Variants in ANKRD6 observed in about 807,000 individuals in gnomAD.
ANKRD6 encodes ankyrin repeat domain-containing protein 6.
A neutral mutation model predicts 82.3 loss-of-function variants in ANKRD6; 56 were observed. That is an observed-to-expected ratio of 0.68 (90% CI 0.55 to 0.85). ANKRD6 has a LOEUF of 0.85. Among genes scored for constraint, ANKRD6 ranks in the 40% least tolerant of loss-of-function variants. ANKRD6 has a pLI of 0.00. For missense variants in ANKRD6, 852 were observed against 907.6 expected (o/e 0.94, Z 0.79); for synonymous variants, 347 against 352.1 (o/e 0.99, Z 0.16).
intron 1 of ANKRD6, among the ~76,000 whole-genome samples, chr6:89,535,288 C>T (rs1783679914): frequency 6.6e-6 from 1 of 152,092 alleles, no homozygotes; most frequent in Non-Finnish European, 1.5e-5. Context: ...CCTCAAAGGC[C>T]TGCAGTATAA....
chr6:89,598,728 C>G (rs937073583), intron 3 of ANKRD6, among the ~76,000 whole-genome samples: 1 of 152,230 alleles, frequency 6.6e-6, no homozygotes, highest in South Asian at 2.1e-4. Flanking sequence ...TCAACATGTT[C>G]CAAATCAAAG....
intron 1 of ANKRD6, among the ~76,000 whole-genome samples, chr6:89,463,857 C>A (rs1464026682): frequency 6.6e-6 from 1 of 152,078 alleles, no homozygotes; most frequent in Non-Finnish European, 1.5e-5. Context: ...AGTCAAAAAT[C>A]TTATTTTATA....
chr6:89,612,290 C>T lies in ANKRD6; in HGVS notation c.436C>T (p.His146Tyr). The T allele has an allele frequency of 6.4e-7, 1 of 1,559,602 alleles. No individual in the cohort carries two copies. Among genetic ancestry groups the T allele is most frequent in the Non-Finnish European group, 8.7e-7 (1 of 1,151,308 alleles). Residue 146 changes from histidine (H) to tyrosine (Y), a missense_variant, in exon 6 of 16, where the codon CAC (histidine) becomes TAC (tyrosine). By Grantham distance (83) the His-to-Tyr change is moderately conservative. Coordinates refer to ENST00000339746, the MANE Select transcript of ANKRD6 (RefSeq NM_001242809.2). Reference sequence around the variant, plus strand: ...CTCCAAGGCGGGGAACACAGCTCTGCACCTGGCCTGCCAGAACAGCCACTC... The same window carrying T: ...CTCCAAGGCGGGGAACACAGCTCTGTACCTGGCCTGCCAGAACAGCCACTC... ...AKNKAGNTAL[H>Y]LACQNSHSQS... is the part of the protein sequence containing the mutation.
chr6:89,616,307 C>T (rs1801562144), intron 7 of ANKRD6: 3 of 492,874 alleles, frequency 6.1e-6, no homozygotes, highest in Non-Finnish European at 7.3e-6. Flanking sequence ...CATTACTTTG[C>T]CCCTGCGTTT....
chr6:89,456,290 C>G (rs1381699326), intron 1 of ANKRD6, among the ~76,000 whole-genome samples: 1 of 152,128 alleles, frequency 6.6e-6, no homozygotes, highest in Non-Finnish European at 1.5e-5. Flanking sequence ...TGACAAATAT[C>G]GAACTCTGTC....
chr6:89,473,279 C>T (rs1406283979), intron 1 of ANKRD6, among the ~76,000 whole-genome samples: 3 of 151,858 alleles, frequency 2.0e-5, no homozygotes, highest in African/African-American at 4.8e-5. Flanking sequence ...GGCATGGCGG[C>T]GTATGCCCAT....
intron 1 of ANKRD6, among the ~76,000 whole-genome samples, chr6:89,464,589 A>G (rs1774606128): frequency 6.6e-6 from 1 of 152,236 alleles, no homozygotes; most frequent in Admixed American, 6.5e-5. Flanking sequence ...GTTTGTCAAG[A>G]GTCTTCTGTA....
intron 4 of ANKRD6, 123 bp from the exon 5 acceptor site, chr6:89,605,884 T>G: frequency 8.3e-5 from 46 of 556,944 alleles, no homozygotes; most frequent in South Asian, 1.3e-4. Context: ...GTGGCTCAGA[T>G]GAGAAAGTCC....
intron 1 of ANKRD6, among the ~76,000 whole-genome samples, chr6:89,535,386 C>T (rs1025441326): frequency 4.6e-5 from 7 of 152,216 alleles, no homozygotes; most frequent in South Asian, 2.1e-4. Context: ...CTGCATGTTT[C>T]CTCAGCCATT....
Position 89,460,905 on chromosome 6 carries a change from A to G in ANKRD6, c.-144+27530A>G, listed in dbSNP as rs1315216652. 3.5e-5 allele frequency among the ~76,000 whole-genome samples: 3 copies of G among 85,744 alleles called. No individual in the cohort carries two copies. In the Admixed American group the frequency reaches 3.9e-4, roughly 11 times the overall value. The allele number at this position is 85,744 out of a possible 152,430, so 56.3% of individuals were successfully genotyped here. A position where few individuals can be genotyped will look rare whatever the true frequency, so the allele number is the denominator to read the frequency against. Reference sequence around the variant, plus strand: ...TACTAATACTACATCGGTGTTTTGGAATTCTTTTTTTTTGAGACCGAGTCT... The same window carrying G: ...TACTAATACTACATCGGTGTTTTGGGATTCTTTTTTTTTGAGACCGAGTCT... On this transcript the variant is annotated intron_variant, in intron 1 of 15. Coordinates refer to ENST00000339746, the MANE Select transcript of ANKRD6 (RefSeq NM_001242809.2).
rs372004869 is a variant in ANKRD6, at chr6:89,621,943, C to G, written c.814C>G (p.Arg272Gly). 20 of 1,613,696 alleles carry G rather than the reference C, an allele frequency of 1.2e-5. No individual in the cohort carries two copies. In the South Asian group the frequency reaches 2.1e-4, roughly 17 times the overall value. Residue 272 changes from arginine (R) to glycine (G), a missense_variant, in exon 10 of 16, where the codon CGA (arginine) becomes GGA (glycine). Physicochemically the swap from Arg to Gly is moderately radical, Grantham distance 125. Coordinates refer to ENST00000339746, the MANE Select transcript of ANKRD6 (RefSeq NM_001242809.2). ...TCAGGTCTTGCGCTTCAGTCGTGGG[C>G]GAAGCCTGAGGAAAAAGAGAGAGAG... ...APQVLRFSRG[R>G]SLRKKRERLK...
intron 10 of ANKRD6, among the ~76,000 whole-genome samples, chr6:89,622,603 A>G (rs1194188043): frequency 6.6e-6 from 1 of 152,152 alleles, no homozygotes; most frequent in Non-Finnish European, 1.5e-5. Flanking sequence ...ATGAATTAGA[A>G]AAAGATGTCC....
Position 89,631,819 on chromosome 6 carries a change from T to C in ANKRD6, c.*815T>C, listed in dbSNP as rs893378781. ...ACCTATTCCTAATCAAACCCAATTA[T>C]ATCAGAATACCTTTCTGAATTTGAG... is the stretch of plus-strand genomic sequence containing the variant. On this transcript the variant is annotated 3_prime_UTR_variant, in exon 16 of 16. Transcript: ENST00000339746. The C allele has an allele frequency of 2.0e-5, 3 of 152,258 alleles. No homozygotes were observed. Among genetic ancestry groups the C allele is most frequent in the Admixed American group, 6.5e-5 (1 of 15,280 alleles). 9.4% of individuals were successfully genotyped at this position (152,258 alleles called of 1,614,324 possible). A position where few individuals can be genotyped will look rare whatever the true frequency, so the allele number is the denominator to read the frequency against.
At chr6:89,613,292 T>A (rs1800688027) in intron 6 of ANKRD6, among the ~76,000 whole-genome samples, 1 of 152,222 alleles carries the variant, frequency 6.6e-6, no homozygotes. Flanking sequence ...TGAAGTGGGA[T>A]ACTCCTTGAA....
At position 89,586,806 on chromosome 6, in the gene ANKRD6, C is replaced by T. The variant is rs369683836; in HGVS notation, c.121-9110C>T. On this transcript the variant is annotated intron_variant, in intron 2 of 15. Transcript: ENST00000339746. ...AGAAGCTGATGGAATTCTTAATACC[C>T]AGTTAAGTTGCCTGAAATATTTTGG... Among the ~76,000 whole-genome samples the T allele has an allele frequency of 3.0e-4, 46 of 152,174 alleles. 1 individual carries two copies. The highest frequency in any genetic ancestry group is 1.1e-3 in the African/African-American group (45 of 41,440).
chr6:89,517,174 T>G (rs1036512505), intron 1 of ANKRD6, among the ~76,000 whole-genome samples: 1 of 152,240 alleles, frequency 6.6e-6, no homozygotes. Context: ...CTGGCCAGAT[T>G]GCTGTTTTAA....
At chr6:89,581,042 T>A (rs1022087176) in intron 2 of ANKRD6, among the ~76,000 whole-genome samples, 9 of 152,160 alleles carry the variant, frequency 5.9e-5, no homozygotes, top group African/African-American at 2.2e-4. Flanking sequence ...CACCACTCAG[T>A]GTTTCCCTCC....
At chr6:89,485,627 G>A (rs1046216221) in intron 1 of ANKRD6, among the ~76,000 whole-genome samples, 1 of 152,216 alleles carries the variant, frequency 6.6e-6, no homozygotes, top group Non-Finnish European at 1.5e-5. Flanking sequence ...GGAGCCTCCA[G>A]TGCTGCCCTG....
At chr6:89,487,158 G>A (rs1406158010) in intron 1 of ANKRD6, among the ~76,000 whole-genome samples, 1 of 152,176 alleles carries the variant, frequency 6.6e-6, no homozygotes, top group East Asian at 1.9e-4. Context: ...ATAATGGGGA[G>A]AATGTTAATA....
Sources: gnomAD v4.1 joint callset for allele counts (sites outside exome capture counted in the v4.1 genomes callset) on GRCh38, gnomAD v4.1.1 for gene constraint, MANE v1.5 for transcripts, NCBI Gene and HGNC (gene_info 2026-07-23, HGNC 2026-07-21) for gene names.